The following LRP2 variants were observed in gnomAD, a reference collection of about 807,000 sequenced individuals.
LRP2 encodes the protein low-density lipoprotein receptor-related protein 2.
In LRP2, 172 loss-of-function variants were observed where a neutral mutation model predicts 531.0. The observed-to-expected ratio is 0.32, with a 90% CI of 0.29 to 0.37. LRP2 has a LOEUF of 0.37. Among genes scored for constraint, LRP2 ranks in the 10% least tolerant of loss-of-function variants. The probability of loss-of-function intolerance (pLI) is 1.00; values close to 1 mark genes in which losing one functional copy is unlikely to be tolerated. For missense variants in LRP2, 5,167 were observed against 5,868.3 expected, an observed-to-expected ratio of 0.88 and a Z score of 3.90; for synonymous variants, 1,992 against 2,027.6, an observed-to-expected ratio of 0.98 and a Z score of 0.47.
chr2:169,240,123 T>C (rs1689752800), intron 25 of LRP2, among the ~76,000 whole-genome samples: 1 of 152,240 alleles, frequency 6.6e-6, no homozygotes. Flanking sequence ...TAAAATTGTT[T>C]CTCGTTTTCT....
intron 19 of LRP2, among the ~76,000 whole-genome samples, chr2:169,255,665 A>T (rs1007993189): frequency 1.3e-5 from 2 of 152,188 alleles, no homozygotes; most frequent in African/African-American, 4.8e-5. Flanking sequence ...AATATGTGTA[A>T]TCGTTTTTTC....
At chr2:169,278,025 G>T in intron 12 of LRP2, 74 bp from the exon 13 acceptor site, 1 of 1,207,050 alleles carries the variant, frequency 8.3e-7, no homozygotes, top group Non-Finnish European at 1.2e-6. Context: ...TTAACAGTGT[G>T]TTTGGATCAA....
In LRP2 at chr2:169,168,540, G is replaced by A. The variant is rs1237937758; in HGVS notation, c.11634C>T (p.Cys3878=). The change falls in exon 61 of 79, where the codon TGC becomes TGT. Residue 3878 remains cysteine (C), a splice_region_variant and synonymous_variant. Coordinates refer to ENST00000649046, the MANE Select transcript of LRP2 (RefSeq NM_004525.3). The part of the protein sequence containing the change: ...GDGSDEELHL[C]LDVPCNSPNR... ...TCACTCCGTTTCTCTCCCTCTTACA[G>A]CACAGGTGAAGTTCTTCATCTGAAC... The A allele has an allele frequency of 1.2e-6, 2 of 1,613,910 alleles. No individual in the cohort carries two copies. Among genetic ancestry groups the A allele is most frequent in the East Asian group, 2.2e-5 (1 of 44,888 alleles).
At chr2:169,198,958 A>C in intron 44 of LRP2, 47 bp from the exon 45 acceptor site, 1 of 1,593,482 alleles carries the variant, frequency 6.3e-7, no homozygotes, top group Non-Finnish European at 8.6e-7. Flanking sequence ...TCCACCAAAT[A>C]TGTATTATGA....
rs146650069 is a variant in LRP2 at position 169,182,290 on chromosome 2, T to C, written c.9875A>G (p.Asp3292Gly). 7.4e-6 allele frequency: 12 copies of C among 1,613,812 alleles called. No individual in the cohort carries two copies. In the African/African-American group the frequency reaches 1.2e-4, roughly 16 times the overall value. Residue 3292 changes from aspartate to glycine, a missense_variant, in exon 51 of 79, where the codon GAT (aspartate) becomes GGT (glycine). This residue lies in a region of LRP2 where 1,129 missense variants were observed against 1,362.7 expected (regional missense o/e 0.83). Coordinates refer to ENST00000649046, the MANE Select transcript of LRP2 (RefSeq NM_004525.3). ...RKLYWLDARL[D>G]GLFVSDLNGG... ...ATTGAGGTCAGAGACAAAGAGGCCA[T>C]CCAGGCGGGCATCCAACCAGTAGAG...
At position 169,320,793 on chromosome 2, in the gene LRP2, C is replaced by T. The variant is rs1275732341; in HGVS notation, c.171G>A (p.Ala57=). ...CDGTKDCSDD[A]DEIGCAVVTC... is the part of the protein sequence containing the mutation. The stretch of plus-strand genomic sequence containing the variant: ...CTCACTTACCGCAGCCAATTTCATC[C>T]GCGTCATCTGAACAGTCTTTGGTCC... The change falls in exon 2 of 79, where the codon GCG becomes GCA. Residue 57 remains alanine (A), a synonymous_variant. Coordinates refer to ENST00000649046, the MANE Select transcript of LRP2 (RefSeq NM_004525.3). 8.1e-6 allele frequency: 13 copies of T among 1,614,004 alleles called. No individual in the cohort carries two copies. Among genetic ancestry groups the T allele is most frequent in the Middle Eastern group, 1.6e-4 (1 of 6,062 alleles).
intron 19 of LRP2, among the ~76,000 whole-genome samples, chr2:169,251,558 C>A (rs1247974338): frequency 4.1e-5 from 1 of 24,584 alleles, no homozygotes. Flanking sequence ...AAAATTGACA[C>A]CCTAACATCA....
At chr2:169,192,098 C>T in intron 47 of LRP2, 65 bp from the exon 48 acceptor site, 9 of 1,285,188 alleles carry the variant, frequency 7.0e-6, no homozygotes, top group Non-Finnish European at 9.9e-6. Context: ...ATTCTCTTTG[C>T]TTTAATGTTA....
chr2:169,332,928 G>C (rs2105541811), intron 1 of LRP2, among the ~76,000 whole-genome samples: 1 of 152,280 alleles, frequency 6.6e-6, no homozygotes, highest in South Asian at 2.1e-4. Flanking sequence ...GAATAACTGA[G>C]TTGCACACAC....
chr2:169,200,065 A>G (rs1179507868), intron 44 of LRP2, among the ~76,000 whole-genome samples: 1 of 152,138 alleles, frequency 6.6e-6, no homozygotes, highest in African/African-American at 2.4e-5. Context: ...CCTGGCTAAC[A>G]TGGTGAAACC....
intron 16 of LRP2, among the ~76,000 whole-genome samples, chr2:169,264,684 G>C (rs1690720709): frequency 6.6e-6 from 1 of 152,032 alleles, no homozygotes; most frequent in African/African-American, 2.4e-5. Flanking sequence ...CAACAGAAGA[G>C]AGACACACCC....
intron 1 of LRP2, among the ~76,000 whole-genome samples, chr2:169,358,401 T>C (rs1226578329): frequency 6.6e-6 from 1 of 152,122 alleles, no homozygotes; most frequent in African/African-American, 2.4e-5. Context: ...AGGTTCCCTC[T>C]AGCTGTAAAA....
intron 1 of LRP2, among the ~76,000 whole-genome samples, chr2:169,350,936 C>G (rs1685830919): frequency 6.6e-6 from 1 of 152,142 alleles, no homozygotes; most frequent in Middle Eastern, 3.4e-3. Flanking sequence ...ATTGGGAAAC[C>G]ACTCCCTGCT....
At chr2:169,336,269 G>T (rs545436842) in intron 1 of LRP2, among the ~76,000 whole-genome samples, 2 of 152,018 alleles carry the variant, frequency 1.3e-5, no homozygotes, top group South Asian at 4.2e-4. Context: ...CAGGCGCAGT[G>T]GCTCATGCCT....
At chr2:169,155,331 T>A (rs892889425) in intron 65 of LRP2, among the ~76,000 whole-genome samples, 1 of 152,208 alleles carries the variant, frequency 6.6e-6, no homozygotes. Context: ...ATGTCCTTAG[T>A]TAAAGGATTT....
chr2:169,345,819 C>A (rs985851037), intron 1 of LRP2, among the ~76,000 whole-genome samples: 1 of 150,606 alleles, frequency 6.6e-6, no homozygotes, highest in South Asian at 2.1e-4. Context: ...TGACTCTTGT[C>A]GTTCTTGTTC....
In LRP2 at chr2:169,185,588, T is replaced by C. The variant is rs772813275; in HGVS notation, c.9760A>G (p.Met3254Val). 6.2e-7 allele frequency: 1 copy of C among 1,614,098 alleles called. No homozygotes were observed. The highest frequency in any genetic ancestry group is 8.5e-7 in the Non-Finnish European group (1 of 1,179,996). Residue 3254 changes from methionine (M) to valine (V), a missense_variant, in exon 50 of 79, where the codon ATG (methionine) becomes GTG (valine). By Grantham distance (21) the Met-to-Val change is conservative (BLOSUM62 1). This residue lies in a region of LRP2 where 1,129 missense variants were observed against 1,362.7 expected (regional missense o/e 0.83). Transcript: ENST00000649046. ...TCCTTGTTTGTCTTATTCAGAAACA[T>C]TCTCTCAATGACTTGCCTCTGTGTA... ...IDTQRQVIERMFLNKTNKETI... is the reference protein window; with the variant it reads ...IDTQRQVIERVFLNKTNKETI...
At chr2:169,220,402 A>G in intron 34 of LRP2, 52 bp downstream of exon 34, 6 of 1,334,526 alleles carry the variant, frequency 4.5e-6, no homozygotes, top group Non-Finnish European at 6.5e-6. Flanking sequence ...AGACCCTGAC[A>G]TTAACAAGAA....
intron 42 of LRP2, among the ~76,000 whole-genome samples, chr2:169,203,767 T>G (rs1049978404): frequency 6.6e-6 from 1 of 152,006 alleles, no homozygotes; most frequent in African/African-American, 2.4e-5. Flanking sequence ...AAAAATAAAA[T>G]AAAAGAAAAT....
Sources: allele counts gnomAD v4.1 joint callset (sites outside exome capture counted in the v4.1 genomes callset), GRCh38; gene constraint gnomAD v4.1.1; regional missense constraint gnomAD v4.1.1; transcripts MANE v1.5; gene names NCBI Gene and HGNC (gene_info 2026-07-23, HGNC 2026-07-21).